The following KIAA1217 variants were observed in gnomAD, a reference collection of about 807,000 sequenced individuals.
The protein encoded by KIAA1217 is sickle tail protein homolog.
In KIAA1217, 88 loss-of-function variants were observed where a neutral mutation model predicts 163.9. That is an observed-to-expected ratio of 0.54 (90% confidence interval 0.45 to 0.64). The LOEUF (loss-of-function observed/expected upper bound fraction) is 0.64, where lower values mean the gene tolerates loss of function less well. Ranked by LOEUF, KIAA1217 falls within the 30% of genes least tolerant of loss-of-function variation. The pLI is 0.00. For synonymous variants in KIAA1217, 903 were observed against 923.1 expected, an observed-to-expected ratio of 0.98 and a Z score of 0.39; for missense variants, 2,372 against 2,475.0, an observed-to-expected ratio of 0.96 and a Z score of 0.88.
chr10:23,810,860 T>C (rs1462009350), intron 1 of KIAA1217, among the ~76,000 whole-genome samples: 1 of 123,156 alleles, frequency 8.1e-6, no homozygotes, highest in Non-Finnish European at 1.6e-5. Flanking sequence ...TATTATATAG[T>C]ATATATACTA....
chr10:24,239,722 TTTACTC>T (rs146377673), intron 2 of KIAA1217, among the ~76,000 whole-genome samples: 7,695 of 151,656 alleles, frequency 0.051, 631 homozygotes, highest in African/African-American at 0.18. Flanking sequence ...TGTGTGTTCT[TTTACTC>T]TTACGACAAA....
At chr10:24,272,248 C>T (rs909297125) in intron 2 of KIAA1217, among the ~76,000 whole-genome samples, 4 of 152,172 alleles carry the variant, frequency 2.6e-5, no homozygotes, top group African/African-American at 9.7e-5. Context: ...GTGCTCACTG[C>T]AGGTCCAGGT....
intron 1 of KIAA1217, among the ~76,000 whole-genome samples, chr10:23,992,625 T>TTGAGATGGAGTCTTACTCTGTTGCCCA (rs1846267835): frequency 2.2e-5 from 3 of 137,076 alleles, no homozygotes; most frequent in African/African-American, 8.3e-5. Context: ...TTTTTTTTTT[T>TTGAGATGGAGTCTTACTCTGTTGCCCA]GGAAGCCCTC....
intron 1 of KIAA1217, among the ~76,000 whole-genome samples, chr10:23,822,378 A>T (rs998050193): frequency 2.0e-5 from 3 of 152,236 alleles, no homozygotes; most frequent in African/African-American, 7.2e-5. Context: ...CAAGACATAA[A>T]CTTTATTTTA....
intron 1 of KIAA1217, among the ~76,000 whole-genome samples, chr10:23,992,360 T>C (rs1161390927): frequency 6.6e-6 from 1 of 152,152 alleles, no homozygotes; most frequent in African/African-American, 2.4e-5. Flanking sequence ...ATATCAGTGT[T>C]TCACGTGATG....
chr10:24,117,938 C>T (rs2063124724), intron 2 of KIAA1217, among the ~76,000 whole-genome samples: 1 of 151,848 alleles, frequency 6.6e-6, no homozygotes, highest in Non-Finnish European at 1.5e-5. Context: ...ATGCATGGAA[C>T]TGGAAACTGC....
Position 24,514,918 on chromosome 10 carries a change from G to A in KIAA1217, c.2177+1484G>A, listed in dbSNP as rs1202344633. On this transcript the variant is annotated intron_variant, in intron 10 of 20. Transcript: ENST00000376454. The stretch of plus-strand genomic sequence containing the variant: ...GAGGCAAGAGAATTGCTTGAACCCG[G>A]GAGGGGAAGGTTGTGGTGAGCCGAG... Among the ~76,000 whole-genome samples, 131 of 152,050 alleles carry A rather than the reference G, an allele frequency of 8.6e-4. 1 individual carries two copies. The highest frequency in any genetic ancestry group is 1.2e-4 in the Non-Finnish European group (8 of 67,988).
chr10:23,777,469 C>T (rs923448175), intron 1 of KIAA1217, among the ~76,000 whole-genome samples: 4 of 152,048 alleles, frequency 2.6e-5, no homozygotes, highest in Admixed American at 1.3e-4. Flanking sequence ...GCCTGGAACC[C>T]GTTAGTCATT....
At chr10:24,244,290 C>T (rs1369054949) in intron 2 of KIAA1217, among the ~76,000 whole-genome samples, 1 of 152,150 alleles carries the variant, frequency 6.6e-6, no homozygotes, top group Non-Finnish European at 1.5e-5. Context: ...AGAGAGTTCT[C>T]CTGGGTGGGA....
intron 1 of KIAA1217, among the ~76,000 whole-genome samples, chr10:23,866,225 T>C (rs1588976835): frequency 6.6e-6 from 1 of 152,252 alleles, no homozygotes; most frequent in East Asian, 1.9e-4. Context: ...GCTGTGCTTA[T>C]GATATTAAAC....
At chr10:23,897,877 A>G in intron 1 of KIAA1217, among the ~76,000 whole-genome samples, 1 of 152,122 alleles carries the variant, frequency 6.6e-6, no homozygotes, top group East Asian at 1.9e-4. Flanking sequence ...ATAATTTCTT[A>G]AAATAATCTG....
chr10:24,544,436 C>T lies in KIAA1217; in HGVS notation c.5166C>T (p.Pro1722=). The T allele has an allele frequency of 6.2e-7, 1 of 1,614,112 alleles. No individual in the cohort carries two copies. Among genetic ancestry groups the T allele is most frequent in the Non-Finnish European group, 8.5e-7 (1 of 1,180,008 alleles). Residue 1722 remains proline (P), a synonymous_variant, in exon 19 of 21, where the codon CCC becomes CCT. Transcript: ENST00000376454. ...CCTTGCTAGTTCCGGATGAAGGTCC[C>T]ACTGCCCTAGAGCCCCCTACGTCGA... ...PRPLLVPDEG[P]TALEPPTSIP...
chr10:24,227,959 C>T (rs560414814), intron 2 of KIAA1217, among the ~76,000 whole-genome samples: 2 of 152,234 alleles, frequency 1.3e-5, no homozygotes, highest in Admixed American at 6.5e-5. Flanking sequence ...CTCAACCATC[C>T]CCTCCTTTGA....
rs1406950762 is a variant in KIAA1217, at chr10:24,049,398, C to CTATT, written c.-171+42038_-171+42041dup. Among the ~76,000 whole-genome samples, 4 of 152,082 alleles carry CTATT rather than the reference C, an allele frequency of 2.6e-5. No homozygotes were observed. In the South Asian group the frequency reaches 6.2e-4, roughly 24 times the overall value. ...GTATAAATTATCTCTTTTTTTAACT[C>CTATT]TATTTATTTATTTATTTTTATTGTT... On this transcript the variant is annotated intron_variant, in intron 2 of 18. Coordinates refer to the KIAA1217 transcript ENST00000376462.
intron 2 of KIAA1217, among the ~76,000 whole-genome samples, chr10:24,161,781 G>T (rs147435952): frequency 2.0e-5 from 3 of 152,160 alleles, no homozygotes; most frequent in East Asian, 1.9e-4. Flanking sequence ...TTGATTGTCC[G>T]TTATCTTTGA....
chr10:24,391,956 T>C (rs1192470053), intron 3 of KIAA1217, among the ~76,000 whole-genome samples: 1 of 152,170 alleles, frequency 6.6e-6, no homozygotes, highest in East Asian at 1.9e-4. Context: ...CCATCAAGTT[T>C]CAAAGACAAC....
chr10:24,214,593 G>A (rs1211543795), intron 1 of KIAA1217, among the ~76,000 whole-genome samples: 1 of 152,190 alleles, frequency 6.6e-6, no homozygotes, highest in Non-Finnish European at 1.5e-5. Flanking sequence ...GCTGGAAAAT[G>A]TGGTCTTCCT....
chr10:23,971,364 A>C (rs564799100), intron 1 of KIAA1217, among the ~76,000 whole-genome samples: 9 of 152,190 alleles, frequency 5.9e-5, no homozygotes, highest in African/African-American at 2.2e-4. Flanking sequence ...AGGTGTTTCT[A>C]TCTATTGGGA....
At chr10:23,720,681 C>T (rs1335819) in intron 1 of KIAA1217, among the ~76,000 whole-genome samples, 8,018 of 152,166 alleles carry the variant, frequency 0.053, 707 homozygotes, top group African/African-American at 0.18. Context: ...AACACTTTAC[C>T]TCTCTCTGCT....
Sources: gnomAD v4.1 joint callset for allele counts (sites outside exome capture counted in the v4.1 genomes callset) on GRCh38, gnomAD v4.1.1 for gene constraint, MANE v1.5 for transcripts, NCBI Gene and HGNC (gene_info 2026-07-23, HGNC 2026-07-21) for gene names.